ZHX2: variants seen among roughly 807,000 people sequenced by gnomAD.
ZHX2 encodes the protein zinc fingers and homeoboxes protein 2.
Under a neutral mutation model 21.9 loss-of-function variants are expected in ZHX2, and 6 were observed. That is an observed-to-expected ratio of 0.27 (90% CI 0.15 to 0.54). ZHX2 has a LOEUF of 0.54. Ranked by LOEUF, ZHX2 falls within the 20% of genes least tolerant of loss-of-function variation. ZHX2 has a pLI of 0.95. For missense variants in ZHX2, 908 were observed against 1,090.7 expected (o/e 0.83, Z 2.36); for synonymous variants, 434 against 437.1 (o/e 0.99, Z 0.09).
chr8:122,891,129 T>C (rs1337829678), intron 2 of ZHX2, among the ~76,000 whole-genome samples: 1 of 152,206 alleles, frequency 6.6e-6, no homozygotes, highest in African/African-American at 2.4e-5. Flanking sequence ...GTGTTAGTTC[T>C]TCTTTAACAG....
rs933174140 is a variant in ZHX2, at chr8:122,782,610, TC to T, written c.-283+667del. ...CCGAGGCTGCCTCTGCTCTCGTCGC[TC>T]CCGGCGGCTGCAGGCAGCGGGCGCG... On this transcript the variant is annotated intron_variant, in intron 1 of 3. Transcript: ENST00000314393. The surrounding 1 kb of genome is among the most constrained non-coding windows in gnomAD (Gnocchi z 5.3). Among the ~76,000 whole-genome samples, 3 of 152,096 alleles carry T rather than the reference TC, an allele frequency of 2.0e-5. No homozygotes were observed. The highest frequency in any genetic ancestry group is 7.2e-5 in the African/African-American group (3 of 41,420).
chr8:122,908,317 A>G (rs1303993171), intron 2 of ZHX2, among the ~76,000 whole-genome samples: 1 of 152,230 alleles, frequency 6.6e-6, no homozygotes, highest in African/African-American at 2.4e-5. Context: ...CTCCTGCCTC[A>G]GCCTTACAAG....
chr8:122,930,768 G>GA (rs1820969562), intron 2 of ZHX2, among the ~76,000 whole-genome samples: 4 of 151,988 alleles, frequency 2.6e-5, no homozygotes, highest in African/African-American at 4.8e-5. Flanking sequence ...GGGAATACAG[G>GA]TGTGAGCCAC....
At chr8:122,873,012 C>T (rs1311754553) in intron 2 of ZHX2, among the ~76,000 whole-genome samples, 1 of 152,242 alleles carries the variant, frequency 6.6e-6, no homozygotes, top group African/African-American at 2.4e-5. Context: ...CCCAAGCCAA[C>T]TGCTGGAGCC....
rs775324160 is a variant in ZHX2 at position 122,952,050 on chromosome 8, G to C, written c.540G>C (p.Ser180=). ...CTGGTGACAGTGATTCTGGGATCTC[G>C]GTGAGTAAAACCCCCATCATGAAGC... ...PGTGDSDSGI[S]VSKTPIMKPG... Residue 180 remains serine, a synonymous_variant, in exon 3 of 4, where the codon TCG becomes TCC. Coordinates refer to ENST00000314393, the MANE Select transcript of ZHX2 (RefSeq NM_014943.5). This position sits in a 1 kb window ranked among gnomAD's most constrained non-coding sequence, Gnocchi z 6.9. 2 of 1,613,268 alleles carry C rather than the reference G, an allele frequency of 1.2e-6. No homozygotes were observed. Among genetic ancestry groups the C allele is most frequent in the Non-Finnish European group, 1.7e-6 (2 of 1,179,946 alleles).
chr8:122,818,469 G>A (rs1335070169), intron 1 of ZHX2, among the ~76,000 whole-genome samples: 1 of 152,022 alleles, frequency 6.6e-6, no homozygotes, highest in Non-Finnish European at 1.5e-5. Context: ...AGAGCTGATC[G>A]ATGCTGGACC....
chr8:122,813,556 T>C (rs1817972876), intron 1 of ZHX2, among the ~76,000 whole-genome samples: 1 of 152,218 alleles, frequency 6.6e-6, no homozygotes, highest in Non-Finnish European at 1.5e-5. Context: ...TTGCTGTTAT[T>C]TGAGTAGAGA....
intron 1 of ZHX2, among the ~76,000 whole-genome samples, chr8:122,853,137 T>C (rs1471987370): frequency 1.3e-5 from 2 of 152,190 alleles, no homozygotes; most frequent in African/African-American, 4.8e-5. Flanking sequence ...ACTTTACTGA[T>C]TTTAACAAAT....
intron 1 of ZHX2, among the ~76,000 whole-genome samples, chr8:122,801,931 G>T (rs771028355): frequency 6.6e-6 from 1 of 152,152 alleles, no homozygotes; most frequent in African/African-American, 2.4e-5. Context: ...AATTCCATAT[G>T]CAGACAGGGG....
Position 122,953,036 on chromosome 8 carries a change from A to T in ZHX2, c.1526A>T (p.Asp509Val), listed in dbSNP as rs141332175. The T allele has an allele frequency of 3.6e-4, 573 of 1,613,944 alleles. 1 individual carries two copies. The highest frequency in any genetic ancestry group is 4.7e-4 in the Non-Finnish European group (559 of 1,180,032). ...VHITSESLAK[D>V]QLAIAASRHG... ...ATCACCAGCGAATCCCTTGCCAAAG[A>T]CCAGTTGGCCATCGCGGCCTCCCGA... The change falls in exon 3 of 4, where the codon GAC becomes GTC. Residue 509 changes from aspartate to valine, a missense_variant. Physicochemically the swap from Asp to Val is radical, Grantham distance 152. This residue lies in a region of ZHX2 where 431 missense variants were observed against 428.6 expected (regional missense o/e 1.01). Coordinates refer to ENST00000314393, the MANE Select transcript of ZHX2 (RefSeq NM_014943.5). The surrounding 1 kb of genome is among the most constrained non-coding windows in gnomAD (Gnocchi z 4.6).
intron 2 of ZHX2, among the ~76,000 whole-genome samples, chr8:122,895,414 C>G (rs16897609): frequency 6.6e-6 from 1 of 152,202 alleles, no homozygotes; most frequent in Non-Finnish European, 1.5e-5. Context: ...ACAGGAAGAA[C>G]GTGTGACCAC....
rs1163363637 is a variant in ZHX2, at chr8:122,937,939, T to TTTTTG, written c.-219-13349_-219-13348insGTTTT. Among the ~76,000 whole-genome samples, 2 of 119,934 alleles carry TTTTTG rather than the reference T, an allele frequency of 1.7e-5. 1 individual carries two copies. Among genetic ancestry groups the TTTTTG allele is most frequent in the Non-Finnish European group, 3.5e-5 (2 of 56,586 alleles). 78.7% of individuals were successfully genotyped at this position (119,934 alleles called of 152,430 possible). ...TTTCCTGGTTTTCTTTTTGGTTTTT[T>TTTTTG]TTTTTTTTTTTTTTTGAGACGGAGT... On this transcript the variant is annotated intron_variant, in intron 2 of 3. Transcript: ENST00000314393.
intron 1 of ZHX2, among the ~76,000 whole-genome samples, chr8:122,850,409 G>A (rs1310728754): frequency 5.3e-5 from 8 of 151,990 alleles, no homozygotes; most frequent in Non-Finnish European, 1.2e-4. Flanking sequence ...AGGCCAAGAC[G>A]GGCAGATCAC....
intron 1 of ZHX2, among the ~76,000 whole-genome samples, chr8:122,802,720 G>A (rs1586578313): frequency 6.6e-6 from 1 of 152,204 alleles, no homozygotes; most frequent in East Asian, 1.9e-4. Flanking sequence ...AGAGGAGCAG[G>A]GCAGGAGATG....
At position 122,953,997 on chromosome 8, in the gene ZHX2, C is replaced by A; in HGVS notation, c.2487C>A (p.Cys829Ter). The A allele has an allele frequency of 6.2e-7, 1 of 1,607,718 alleles. No homozygotes were observed. Among genetic ancestry groups the A allele is most frequent in the South Asian group, 1.1e-5 (1 of 90,086 alleles). The change falls in exon 3 of 4, where the codon TGC (cysteine) becomes TGA (stop). Residue 829 changes from cysteine to a stop codon, truncating the protein, a stop_gained. Coordinates refer to ENST00000314393, the MANE Select transcript of ZHX2 (RefSeq NM_014943.5). LOFTEE classifies it low-confidence loss of function (END_TRUNC). This position sits in a 1 kb window ranked among gnomAD's most constrained non-coding sequence, Gnocchi z 4.6. Reference sequence around the variant, plus strand: ...AACTGGCTGAATCAGACTCCGACTGCGTCCCTGCAGAGGCTGGCCAGGCCT... The same window carrying A: ...AACTGGCTGAATCAGACTCCGACTGAGTCCCTGCAGAGGCTGGCCAGGCCT... ...VSELAESDSD[C>*]VPAEAGQA
chr8:122,854,133 C>T (rs774571721), intron 1 of ZHX2, among the ~76,000 whole-genome samples: 1 of 152,232 alleles, frequency 6.6e-6, no homozygotes, highest in Non-Finnish European at 1.5e-5. Context: ...TTGGTCTCCC[C>T]TCCTCTCACA....
intron 2 of ZHX2, among the ~76,000 whole-genome samples, chr8:122,872,744 A>C (rs1251625966): frequency 6.6e-6 from 1 of 152,270 alleles, no homozygotes; most frequent in Non-Finnish European, 1.5e-5. Flanking sequence ...AGTGTAAAAC[A>C]AAAAGGCGGT....
intron 2 of ZHX2, among the ~76,000 whole-genome samples, chr8:122,884,630 G>A (rs544545894): frequency 2.3e-4 from 35 of 152,340 alleles, no homozygotes; most frequent in Middle Eastern, 3.4e-3. Flanking sequence ...CGCAAGTATC[G>A]TGGGCGTCCG....
At chr8:122,928,860 G>A (rs753666717) in intron 2 of ZHX2, among the ~76,000 whole-genome samples, 43 of 152,184 alleles carry the variant, frequency 2.8e-4, no homozygotes, top group Non-Finnish European at 8.8e-5. Context: ...GAAAGGAAAT[G>A]AGGAAGCCAG....
Sources: allele counts gnomAD v4.1 joint callset (sites outside exome capture counted in the v4.1 genomes callset), GRCh38; gene constraint gnomAD v4.1.1; regional missense constraint gnomAD v4.1.1; non-coding constraint Gnocchi (gnomAD v3.1); transcripts MANE v1.5; gene names NCBI Gene and HGNC (gene_info 2026-07-23, HGNC 2026-07-21).